The following KATNIP variants were observed in gnomAD, a reference collection of about 807,000 sequenced individuals.
KATNIP encodes the protein katanin-interacting protein.
In KATNIP, 126 loss-of-function variants were observed where a neutral mutation model predicts 174.0. The ratio of observed to expected loss-of-function variants is 0.72; its 90% CI spans 0.63 to 0.84. The LOEUF is 0.84. KATNIP is among the 40% of genes least tolerant of loss of function. The pLI is 0.00. For synonymous variants in KATNIP, 810 were observed against 835.7 expected (o/e 0.97, Z 0.53); for missense variants, 1,958 against 2,109.7 (o/e 0.93, Z 1.41).
intron 14 of KATNIP, among the ~76,000 whole-genome samples, chr16:27,725,792 G>A (rs565617899): frequency 1.5e-4 from 23 of 152,228 alleles, no homozygotes; most frequent in East Asian, 3.9e-4. Context: ...CATCCACAGC[G>A]TCACCACGCA....
chr16:27,764,314 C>T (rs781349892), intron 19 of KATNIP, among the ~76,000 whole-genome samples: 1 of 152,190 alleles, frequency 6.6e-6, no homozygotes, highest in South Asian at 2.1e-4. Flanking sequence ...TTATTATGAA[C>T]TCATGGATTT....
chr16:27,718,010 T>C (rs1050453506), intron 13 of KATNIP, among the ~76,000 whole-genome samples: 1 of 152,200 alleles, frequency 6.6e-6, no homozygotes. Context: ...GTCTCACTTC[T>C]TCACTCTCCC....
chr16:27,676,495 C>A (rs963411629), intron 6 of KATNIP, among the ~76,000 whole-genome samples: 1 of 152,122 alleles, frequency 6.6e-6, no homozygotes, highest in Non-Finnish European at 1.5e-5. Flanking sequence ...AGGATGTGGA[C>A]ATCTTTGGGG....
In KATNIP at chr16:27,574,354, T is replaced by TG. The variant is rs371953451; in HGVS notation, c.63+404dup. On this transcript the variant is annotated intron_variant, in intron 2 of 27. Transcript: ENST00000261588. ...TTCTGCAGTTCATGGCTGTGTCGAC[T>TG]GGGGGGTAGTTGAGTGTCAGGGTGC... 2.5e-4 allele frequency: 54 copies of TG among 217,702 alleles called. 2 individuals are homozygous for TG. Among genetic ancestry groups the TG allele is most frequent in the African/African-American group, 9.0e-4 (39 of 43,340 alleles). The allele number at this position is 217,702 out of a possible 1,614,324, so 13.5% of individuals were successfully genotyped here. A position where few individuals can be genotyped will look rare whatever the true frequency, so the allele number is the denominator to read the frequency against.
chr16:27,759,677 G>T lies in KATNIP; in HGVS notation c.3632-1736G>T, dbSNP rs570209505. On this transcript the variant is annotated intron_variant, in intron 18 of 27. Transcript: ENST00000261588. ...GCCAGAGAGACAGGTGTCTGGGTTA[G>T]CTGGGCTGCCTCGCATGGCAGTCTC... Among the ~76,000 whole-genome samples, 5 of 152,328 alleles carry T rather than the reference G, an allele frequency of 3.3e-5. No individual in the cohort carries two copies. In the South Asian group the frequency reaches 1.0e-3, roughly 32 times the overall value.
intron 6 of KATNIP, among the ~76,000 whole-genome samples, chr16:27,655,400 A>ATTATTTATTTATTTATTTATTTATTTAT (rs557649469): frequency 4.7e-5 from 7 of 148,586 alleles, no homozygotes; most frequent in African/African-American, 1.8e-4. Context: ...TGTCCAGCCA[A>ATTATTTATTTATTTATTTATTTATTTAT]TTATTTATTT....
In KATNIP at chr16:27,761,357, T is replaced by C; in HGVS notation, c.3632-56T>C. The stretch of plus-strand genomic sequence containing the variant: ...AGCATTCCTCTTCCTGTCTTCATTT[T>C]AGATGCCTCCTCTGGAGCCTCTGGT... On this transcript the variant is annotated intron_variant, in intron 18 of 27. Coordinates refer to ENST00000261588, the MANE Select transcript of KATNIP (RefSeq NM_015202.5). 3 of 1,510,112 alleles carry C rather than the reference T, an allele frequency of 2.0e-6. No individual in the cohort carries two copies. In the South Asian group the frequency reaches 3.7e-5, roughly 19 times the overall value. The allele number at this position is 1,510,112 out of a possible 1,614,324, so 93.5% of individuals were successfully genotyped here. A position where few individuals can be genotyped will look rare whatever the true frequency, so the allele number is the denominator to read the frequency against.
At chr16:27,752,461 T>C (rs990655722) in intron 17 of KATNIP, among the ~76,000 whole-genome samples, 1 of 152,264 alleles carries the variant, frequency 6.6e-6, no homozygotes, top group Non-Finnish European at 1.5e-5. Context: ...GTCAAGTGAC[T>C]TGCCCAAGGG....
chr16:27,660,040 A>G, intron 6 of KATNIP: 1 of 978,646 alleles, frequency 1.0e-6, no homozygotes, highest in Non-Finnish European at 1.2e-6. Context: ...GTCTTGTTTT[A>G]GGGAGGAGAA....
chr16:27,652,219 A>G lies in KATNIP; in HGVS notation c.540+3484A>G, dbSNP rs548073703. The stretch of plus-strand genomic sequence containing the variant: ...AAAATAAAATAGGAAGGGGATAGAG[A>G]AAAATGGCCAGGGGCTGCTATTTTA... On this transcript the variant is annotated intron_variant, in intron 6 of 27. Coordinates refer to ENST00000261588, the MANE Select transcript of KATNIP (RefSeq NM_015202.5). Among the ~76,000 whole-genome samples the G allele has an allele frequency of 1.3e-5, 2 of 152,300 alleles. 1 individual carries two copies. Among genetic ancestry groups the G allele is most frequent in the South Asian group, 4.1e-4 (2 of 4,824 alleles).
In KATNIP at chr16:27,777,639, T is replaced by C; in HGVS notation, c.4581T>C (p.Asn1527=). The C allele has an allele frequency of 4.3e-6, 7 of 1,613,232 alleles. No homozygotes were observed. Among genetic ancestry groups the C allele is most frequent in the African/African-American group, 1.3e-5 (1 of 75,048 alleles). The change falls in exon 26 of 28, where the codon AAT becomes AAC. Residue 1527 remains asparagine (N), a synonymous_variant. Transcript: ENST00000261588. The surrounding 1 kb of genome is among the most constrained non-coding windows in gnomAD (Gnocchi z 4.4). ...TGGTGGACGACCTGCTTGTGTACAA[T>C]GGGATCCTGGCCATGGTGAGCCACC... ...GLLVDDLLVY[N]GILAMVSHLV...
intron 1 of KATNIP, among the ~76,000 whole-genome samples, chr16:27,563,971 G>C (rs760099528): frequency 1.6e-4 from 24 of 151,380 alleles, no homozygotes; most frequent in Non-Finnish European, 2.7e-4. Context: ...GCTGAGGCAG[G>C]AGGATCACTT....
intron 17 of KATNIP, among the ~76,000 whole-genome samples, 193 bp downstream of exon 17, chr16:27,752,117 A>AT (rs1181852185): frequency 1.1e-4 from 16 of 150,544 alleles, no homozygotes; most frequent in Admixed American, 2.6e-4. Context: ...TTATTTTTTT[A>AT]TTTTTTTTTA....
intron 1 of KATNIP, among the ~76,000 whole-genome samples, chr16:27,552,779 C>G (rs1041203216): frequency 6.6e-6 from 1 of 150,784 alleles, no homozygotes; most frequent in Non-Finnish European, 1.5e-5. Context: ...ACCGCAACCT[C>G]CGCCTCCCGG....
At chr16:27,708,020 T>A (rs1420880714) in intron 12 of KATNIP, among the ~76,000 whole-genome samples, 1 of 147,404 alleles carries the variant, frequency 6.8e-6, no homozygotes, top group Non-Finnish European at 1.5e-5. Context: ...ATTCAGCCCG[T>A]AACCTTTTTT....
intron 2 of KATNIP, among the ~76,000 whole-genome samples, chr16:27,608,215 T>C (rs536030281): frequency 1.3e-5 from 2 of 151,594 alleles, no homozygotes; most frequent in Admixed American, 6.6e-5. Context: ...AACATGGCCA[T>C]TGGTAAAATT....
chr16:27,690,203 T>C (rs2078666224), intron 8 of KATNIP, among the ~76,000 whole-genome samples: 1 of 151,926 alleles, frequency 6.6e-6, no homozygotes, highest in Non-Finnish European at 1.5e-5. Flanking sequence ...TGGTCCCAGC[T>C]ACACAGGAGG....
At chr16:27,601,276 G>A (rs1285938660) in intron 2 of KATNIP, among the ~76,000 whole-genome samples, 2 of 152,182 alleles carry the variant, frequency 1.3e-5, no homozygotes, top group African/African-American at 4.8e-5. Flanking sequence ...TCCTGATGGG[G>A]GAGGCCATGT....
chr16:27,753,996 T>C (rs1381143327), intron 17 of KATNIP, among the ~76,000 whole-genome samples, 177 bp from the exon 18 acceptor site: 1 of 152,050 alleles, frequency 6.6e-6, no homozygotes, highest in African/African-American at 2.4e-5. Flanking sequence ...AGGGTCAGGG[T>C]CCGCCCATAT....
Sources: allele counts gnomAD v4.1 joint callset (sites outside exome capture counted in the v4.1 genomes callset), GRCh38; gene constraint gnomAD v4.1.1; non-coding constraint Gnocchi (gnomAD v3.1); transcripts MANE v1.5; gene names NCBI Gene and HGNC (gene_info 2026-07-23, HGNC 2026-07-21).